Variants in NDUFS4 observed in about 807,000 individuals in gnomAD.
NDUFS4 encodes NADH:ubiquinone oxidoreductase subunit S4.
NDUFS4 carries 28 observed loss-of-function variants against 24.3 expected under a neutral mutation model. The observed-to-expected ratio is 1.15, with a 90% confidence interval of 0.85 to 1.58. The LOEUF (loss-of-function observed/expected upper bound fraction) is 1.58. Among genes scored for constraint, NDUFS4 ranks in the 40% most tolerant of loss-of-function variants. The probability of loss-of-function intolerance (pLI) is 0.00; values close to 1 mark genes in which losing one functional copy is unlikely to be tolerated. For synonymous variants in NDUFS4, 93 were observed against 69.7 expected, an observed-to-expected ratio of 1.34 and a Z score of -1.67; for missense variants, 223 against 207.9, an observed-to-expected ratio of 1.07 and a Z score of -0.45.
chr5:53,573,646 TG>T, intron 1 of NDUFS4: 1 of 446,468 alleles, frequency 2.2e-6, no homozygotes, highest in South Asian at 1.6e-5. Flanking sequence ...TGGAGTGCAG[TG>T]GTGCAATCAT....
At chr5:53,623,687 C>A (rs1251231330) in intron 2 of NDUFS4, among the ~76,000 whole-genome samples, 1 of 152,064 alleles carries the variant, frequency 6.6e-6, no homozygotes, top group African/African-American at 2.4e-5. Context: ...AGTTTTAGCT[C>A]TTCCATTGAG....
chr5:53,588,812 TTTTA>T (rs1426784325), intron 1 of NDUFS4, among the ~76,000 whole-genome samples: 5 of 151,184 alleles, frequency 3.3e-5, no homozygotes, highest in Non-Finnish European at 7.4e-5. Flanking sequence ...TGTCACCATA[TTTTA>T]TTTTTGAATT....
intron 1 of NDUFS4, among the ~76,000 whole-genome samples, chr5:53,567,663 C>G (rs887261948): frequency 6.6e-6 from 1 of 151,766 alleles, no homozygotes; most frequent in Non-Finnish European, 1.5e-5. Flanking sequence ...TTTCTGAGTT[C>G]TCGTGTCTGC....
intron 4 of NDUFS4, among the ~76,000 whole-genome samples, chr5:53,676,265 T>C (rs577695168): frequency 1.3e-5 from 2 of 152,200 alleles, no homozygotes; most frequent in Non-Finnish European, 2.9e-5. Flanking sequence ...CTCTCAATTA[T>C]AGTTGTTCTC....
chr5:53,618,925 G>A (rs1471757589), intron 2 of NDUFS4, among the ~76,000 whole-genome samples: 6 of 150,886 alleles, frequency 4.0e-5, no homozygotes, highest in African/African-American at 1.2e-4. Flanking sequence ...ACCAGCCTGG[G>A]CAACATGGTG....
At chr5:53,571,469 T>C (rs1657123984) in intron 1 of NDUFS4, among the ~76,000 whole-genome samples, 2 of 152,354 alleles carry the variant, frequency 1.3e-5, no homozygotes, top group African/African-American at 4.8e-5. Flanking sequence ...TTTGGCTACA[T>C]GAATAGTGTT....
At chr5:53,562,354 A>G (rs1453887801) in intron 1 of NDUFS4, among the ~76,000 whole-genome samples, 1 of 152,174 alleles carries the variant, frequency 6.6e-6, no homozygotes, top group African/African-American at 2.4e-5. Flanking sequence ...TACTCATGGT[A>G]GCCCCAGAAC....
At chr5:53,597,540 T>G (rs950824725) in intron 1 of NDUFS4, among the ~76,000 whole-genome samples, 1 of 152,200 alleles carries the variant, frequency 6.6e-6, no homozygotes, top group Non-Finnish European at 1.5e-5. Context: ...GGGTCAGTAG[T>G]GTTGTTTAGA....
intron 4 of NDUFS4, among the ~76,000 whole-genome samples, chr5:53,666,544 T>C (rs1752518823): frequency 6.6e-6 from 1 of 152,266 alleles, no homozygotes; most frequent in Admixed American, 6.5e-5. Context: ...AACTATGTCC[T>C]ATCTTGGTCA....
chr5:53,639,042 C>T (rs1008904361), intron 2 of NDUFS4, among the ~76,000 whole-genome samples: 6 of 151,918 alleles, frequency 3.9e-5, no homozygotes, highest in Admixed American at 3.3e-4. Context: ...TTCTCTTATT[C>T]TGGCAAACCA....
intron 1 of NDUFS4, among the ~76,000 whole-genome samples, chr5:53,570,970 C>T (rs948296861): frequency 3.3e-5 from 5 of 152,050 alleles, no homozygotes; most frequent in Non-Finnish European, 5.9e-5. Flanking sequence ...AGGCATGAGC[C>T]ACGGCGCCCG....
At chr5:53,603,001 A>G (rs1216763558) in intron 1 of NDUFS4, among the ~76,000 whole-genome samples, 1 of 152,174 alleles carries the variant, frequency 6.6e-6, no homozygotes, top group East Asian at 1.9e-4. Context: ...TCCTATGTAA[A>G]ATACTTTTGG....
At chr5:53,575,843 A>G (rs561312293) in intron 1 of NDUFS4, among the ~76,000 whole-genome samples, 38 of 152,126 alleles carry the variant, frequency 2.5e-4, no homozygotes, top group Non-Finnish European at 5.0e-4. Context: ...CACCTGGCCT[A>G]AATGATCAGA....
chr5:53,662,732 A>G (rs1752383347), intron 4 of NDUFS4, among the ~76,000 whole-genome samples: 2 of 152,072 alleles, frequency 1.3e-5, no homozygotes, highest in Non-Finnish European at 2.9e-5. Flanking sequence ...GGGAGGGTGT[A>G]TATGTCCAGG....
At chr5:53,666,279 A>T (rs1752512748) in intron 4 of NDUFS4, among the ~76,000 whole-genome samples, 1 of 152,208 alleles carries the variant, frequency 6.6e-6, no homozygotes, top group Non-Finnish European at 1.5e-5. Flanking sequence ...TAAATATTTA[A>T]ATCCCTGGTT....
At chr5:53,660,154 C>A (rs183795320) in intron 4 of NDUFS4, among the ~76,000 whole-genome samples, 3 of 116,416 alleles carry the variant, frequency 2.6e-5, no homozygotes, top group Non-Finnish European at 3.4e-5. Flanking sequence ...TCCCTCCCCC[C>A]ACCCCACAAC....
chr5:53,632,986 C>T (rs1270295827), intron 2 of NDUFS4, among the ~76,000 whole-genome samples: 1 of 152,198 alleles, frequency 6.6e-6, no homozygotes, highest in Non-Finnish European at 1.5e-5. Flanking sequence ...CCTTGACATA[C>T]TACATATGTG....
At chr5:53,628,310 G>A (rs912276808) in intron 2 of NDUFS4, among the ~76,000 whole-genome samples, 2 of 152,066 alleles carry the variant, frequency 1.3e-5, no homozygotes, top group African/African-American at 4.8e-5. Flanking sequence ...TTTTTGCATC[G>A]ATGTTCATCA....
At chr5:53,668,653 GTT>G (rs918180867) in intron 4 of NDUFS4, among the ~76,000 whole-genome samples, 1 of 148,118 alleles carries the variant, frequency 6.8e-6, no homozygotes, top group African/African-American at 2.5e-5. Flanking sequence ...TAGAGACAGG[GTT>G]TTACCATGTT....
Sources: gnomAD v4.1 joint callset for allele counts (sites outside exome capture counted in the v4.1 genomes callset) on GRCh38, gnomAD v4.1.1 for gene constraint, MANE v1.5 for transcripts, NCBI Gene and HGNC (gene_info 2026-07-23, HGNC 2026-07-21) for gene names.